The following TMEM247 variants were observed in gnomAD, a reference collection of about 807,000 sequenced individuals.
The protein encoded by TMEM247 is transmembrane protein ENSP00000343375.
A neutral mutation model predicts 20.7 loss-of-function variants in TMEM247; 23 were observed. The ratio of observed to expected loss-of-function variants is 1.11; its 90% CI spans 0.80 to 1.57. The LOEUF is 1.57. TMEM247 is among the 40% of genes most tolerant of loss of function. The probability of loss-of-function intolerance (pLI) is 0.00; values close to 1 mark genes in which losing one functional copy is unlikely to be tolerated. For missense variants in TMEM247, 354 were observed against 283.8 expected (o/e 1.25, Z -1.78); for synonymous variants, 106 against 111.9 (o/e 0.95, Z 0.33).
At chr2:46,480,367 C>A (rs1166290886) in intron 1 of TMEM247, 38 bp from the exon 2 acceptor site, 1 of 1,500,504 alleles carries the variant, frequency 6.7e-7, no homozygotes, top group East Asian at 2.5e-5. Context: ...CATCCTGACT[C>A]TTCAAGGTAC....
chr2:46,479,565 G>A (rs1686837286), exon 1 of TMEM247: 1 of 1,541,612 alleles, frequency 6.5e-7, no homozygotes. Flanking sequence ...GACCCCACCT[G>A]GCAGCGTTCT....
chr2:46,480,961 G>A (rs1005476765), intron 2 of TMEM247, among the ~76,000 whole-genome samples, 197 bp downstream of exon 2: 3 of 152,136 alleles, frequency 2.0e-5, no homozygotes, highest in Non-Finnish European at 4.4e-5. Flanking sequence ...AGAGATGTCT[G>A]CTCACTGCCT....
exon 1 of TMEM247, chr2:46,479,677 C>G: frequency 6.4e-7 from 1 of 1,551,714 alleles, no homozygotes; most frequent in Non-Finnish European, 8.7e-7. Context: ...GACTCCAAGT[C>G]TGAAGGGAAG....
intron 1 of TMEM247, 108 bp downstream of exon 1, chr2:46,479,810 G>C: frequency 1.3e-6 from 1 of 789,884 alleles, no homozygotes; most frequent in Admixed American, 2.3e-5. Flanking sequence ...AGAACATCAG[G>C]TGACATGTAC....
chr2:46,482,980 ATGT>A (rs750013197), intron 2 of TMEM247, among the ~76,000 whole-genome samples: 6 of 152,252 alleles, frequency 3.9e-5, no homozygotes, highest in Admixed American at 1.3e-4. Flanking sequence ...AGTTGACTTG[ATGT>A]TGTACCTTCC....
intron 2 of TMEM247, 98 bp from the exon 3 acceptor site, chr2:46,484,146 T>A: frequency 9.3e-7 from 1 of 1,069,968 alleles, no homozygotes; most frequent in Non-Finnish European, 1.3e-6. Flanking sequence ...GATGATGACT[T>A]GAGGTCACAT....
At chr2:46,484,195 T>C (rs1275856425) in intron 2 of TMEM247, 49 bp from the exon 3 acceptor site, 4 of 1,500,640 alleles carry the variant, frequency 2.7e-6, no homozygotes, top group Non-Finnish European at 3.6e-6. Flanking sequence ...TAGATCTGCC[T>C]GGCGCCAACA....
rs139055089 is a variant in TMEM247, at chr2:46,480,456, G to C, written c.169G>C (p.Glu57Gln). The C allele has an allele frequency of 2.7e-3, 4,182 of 1,551,598 alleles. 8 individuals are homozygous for C. The highest frequency in any genetic ancestry group is 4.7e-3 in the Admixed American group (242 of 51,008). The change falls in exon 2 of 3, where the codon GAA (glutamate) becomes CAA (glutamine). Residue 57 changes from glutamate (E) to glutamine (Q), a missense_variant. By Grantham distance (29) the Glu-to-Gln change is conservative. Coordinates refer to ENST00000434431, the Ensembl canonical transcript of TMEM247. ...CTCCTATGACTACTTGGAAGAGATG[G>C]AAGCTTGTGAGGACGGAGGCTGCCA... is the stretch of plus-strand genomic sequence containing the variant.
At position 46,480,573 on chromosome 2, in the gene TMEM247, C is replaced by A. The variant is rs564981383; in HGVS notation, c.286C>A (p.Pro96Thr). 2.6e-6 allele frequency: 4 copies of A among 1,551,748 alleles called. No individual in the cohort carries two copies. In the African/African-American group the frequency reaches 4.1e-5, roughly 16 times the overall value. The stretch of plus-strand genomic sequence containing the variant: ...CAAACCCGCAGAGCTGCCCCCGACC[C>A]CTGGGACTGAGCGCAATCCCGAGAT... The change falls in exon 2 of 3, where the codon CCT (proline) becomes ACT (threonine). Residue 96 changes from proline to threonine, a missense_variant. By Grantham distance (38) the Pro-to-Thr change is conservative. Transcript: ENST00000434431.
intron 1 of TMEM247, 47 bp downstream of exon 1, chr2:46,479,749 G>A (rs1686843068): frequency 4.4e-6 from 6 of 1,354,928 alleles, no homozygotes; most frequent in Middle Eastern, 1.8e-4. Flanking sequence ...TCCGTCAGGG[G>A]GAGCAAGAAT....
intron 2 of TMEM247, among the ~76,000 whole-genome samples, chr2:46,481,272 C>T (rs1242944845): frequency 6.6e-6 from 1 of 152,182 alleles, no homozygotes; most frequent in Non-Finnish European, 1.5e-5. Flanking sequence ...TATGTTTATT[C>T]TGTTGGATCA....
intron 1 of TMEM247, among the ~76,000 whole-genome samples, chr2:46,479,911 C>G (rs1404264555): frequency 6.6e-6 from 1 of 152,154 alleles, no homozygotes; most frequent in Non-Finnish European, 1.5e-5. Context: ...TTGGTCTCCT[C>G]TATCTACCTC....
At chr2:46,483,439 G>C (rs191780876) in intron 2 of TMEM247, among the ~76,000 whole-genome samples, 6 of 152,218 alleles carry the variant, frequency 3.9e-5, no homozygotes, top group African/African-American at 1.4e-4. Flanking sequence ...GCTGACCCAC[G>C]TGATATGTGT....
At chr2:46,483,267 T>A (rs994094871) in intron 2 of TMEM247, among the ~76,000 whole-genome samples, 17 of 152,152 alleles carry the variant, frequency 1.1e-4, no homozygotes, top group African/African-American at 4.1e-4. Context: ...TGGGCCCCAG[T>A]TATATAGATT....
intron 1 of TMEM247, 103 bp from the exon 2 acceptor site, chr2:46,480,301 AC>A: frequency 2.4e-6 from 3 of 1,243,146 alleles, no homozygotes; most frequent in Non-Finnish European, 3.2e-6. Flanking sequence ...CAATTCAAAC[AC>A]CCCAGTCCAC....
In TMEM247 at chr2:46,480,780, C is replaced by CG. The variant is rs1558643474; in HGVS notation, c.477+20dup. 2.0e-6 allele frequency: 3 copies of CG among 1,535,502 alleles called. No individual in the cohort carries two copies. The highest frequency in any genetic ancestry group is 1.8e-6 in the Non-Finnish European group (2 of 1,138,878). ...GCCCCGCCTGGTGGGTGACAAGGAA[C>CG]GGGGCACTGGGAGGAGGGAGGCCTG... is the stretch of plus-strand genomic sequence containing the variant. On this transcript the variant is annotated intron_variant, in intron 2 of 2. Coordinates refer to ENST00000434431, the Ensembl canonical transcript of TMEM247.
At chr2:46,479,644 C>T in exon 1 of TMEM247, 4 of 1,551,734 alleles carry the variant, frequency 2.6e-6, no homozygotes, top group Non-Finnish European at 3.5e-6. Flanking sequence ...AGTTGCCCGA[C>T]CTTCCCCAAG....
rs1572686207 is a variant in TMEM247, at chr2:46,484,239, C to G, written c.478-5C>G. On this transcript the variant is annotated splice_polypyrimidine_tract_variant and splice_region_variant and intron_variant, in intron 2 of 2. Transcript: ENST00000434431. Reference sequence around the variant, plus strand: ...ATCATCTCCACTGTCTTCTCTCCCCCACAGTTTTCAGGAGGCCTCCAGAAC... The same window carrying G: ...ATCATCTCCACTGTCTTCTCTCCCCGACAGTTTTCAGGAGGCCTCCAGAAC... 3.2e-6 allele frequency: 5 copies of G among 1,545,324 alleles called. No individual in the cohort carries two copies. The highest frequency in any genetic ancestry group is 1.7e-4 in the Middle Eastern group (1 of 5,970).
At chr2:46,484,221 C>G in intron 2 of TMEM247, 23 bp from the exon 3 acceptor site, 1 of 1,539,824 alleles carries the variant, frequency 6.5e-7, no homozygotes, top group Non-Finnish European at 8.8e-7. Context: ...ATCATCATCT[C>G]CACTGTCTTC....
Sources: allele counts gnomAD v4.1 joint callset (sites outside exome capture counted in the v4.1 genomes callset), GRCh38; gene constraint gnomAD v4.1.1; transcripts MANE v1.5; gene names NCBI Gene and HGNC (gene_info 2026-07-23, HGNC 2026-07-21).